Variants in TSBP1 observed in about 807,000 individuals in gnomAD.
The protein encoded by TSBP1 is testis expressed basic protein 1.
A neutral mutation model predicts 68.8 loss-of-function variants in TSBP1; 56 were observed. The ratio of observed to expected loss-of-function variants is 0.81; its 90% CI spans 0.66 to 1.02. TSBP1 has a LOEUF of 1.02. Among genes scored for constraint, TSBP1 ranks in the 50% least tolerant of loss-of-function variants. The pLI is 0.00. For missense variants in TSBP1, 502 were observed against 641.2 expected, an observed-to-expected ratio of 0.78 and a Z score of 2.34; for synonymous variants, 171 against 208.7, an observed-to-expected ratio of 0.82 and a Z score of 1.56.
Position 32,310,761 on chromosome 6 carries a change from A to ATATATATTTTTTT in TSBP1, c.580+5010_580+5011insAAAAAAATATATA. Among the ~76,000 whole-genome samples, 9 of 144,832 alleles carry ATATATATTTTTTT rather than the reference A, an allele frequency of 6.2e-5. No homozygotes were observed. The East Asian group carries it at 8.0e-4, about 13-fold the overall frequency. ...TATATATACATATATATATATATAT[A>ATATATATTTTTTT]TTTTTAATCTTTTTAGAAAGGATAG... On this transcript the variant is annotated intron_variant, in intron 19 of 22. Transcript: ENST00000612031.
chr6:32,323,413 A>G (rs496360), intron 17 of TSBP1, 178 bp downstream of exon 18: 55,318 of 726,922 alleles, frequency 0.076, 3,201 homozygotes, highest in African/African-American at 0.19. Flanking sequence ...AAATTATGTA[A>G]ATATAACTTC....
chr6:32,327,054 C>T (rs1768301204), intron 16 of TSBP1, among the ~76,000 whole-genome samples: 1 of 152,182 alleles, frequency 6.6e-6, no homozygotes, highest in Admixed American at 6.5e-5. Context: ...GTTGACAAGT[C>T]ACTATAAACT....
chr6:32,300,585 G>A, intron 21 of TSBP1, 95 bp downstream of exon 24: 1 of 1,008,260 alleles, frequency 9.9e-7, no homozygotes, highest in Non-Finnish European at 1.6e-6. Flanking sequence ...ACTGCTGTAA[G>A]GTAGAGGAAC....
chr6:32,319,327 C>A (rs2127584835), intron 18 of TSBP1, among the ~76,000 whole-genome samples: 1 of 115,350 alleles, frequency 8.7e-6, no homozygotes, highest in Non-Finnish European at 2.0e-5. Flanking sequence ...TCTCTCCTTG[C>A]CACACTCACC....
chr6:32,342,853 G>A (rs1770535103), intron 9 of TSBP1, among the ~76,000 whole-genome samples: 1 of 152,178 alleles, frequency 6.6e-6, no homozygotes, highest in Non-Finnish European at 1.5e-5. Flanking sequence ...GTCAAGGGAG[G>A]ATCTGTTTAA....
At chr6:32,328,056 G>T (rs1211411946) in intron 16 of TSBP1, among the ~76,000 whole-genome samples, 1 of 151,608 alleles carries the variant, frequency 6.6e-6, no homozygotes, top group Non-Finnish European at 1.5e-5. Context: ...TGCCCACCTT[G>T]GCCTCCCAAA....
intron 16 of TSBP1, among the ~76,000 whole-genome samples, chr6:32,329,090 A>G (rs1265819776): frequency 1.3e-5 from 2 of 152,196 alleles, no homozygotes; most frequent in Admixed American, 6.5e-5. Flanking sequence ...TGTTAAAGTC[A>G]TTTAAATTTT....
chr6:32,364,346 G>A (rs1773408321), intron 6 of TSBP1, among the ~76,000 whole-genome samples: 1 of 150,600 alleles, frequency 6.6e-6, no homozygotes, highest in African/African-American at 2.4e-5. Flanking sequence ...CTCCAATAAT[G>A]CAAAAAGTTA....
intron 22 of TSBP1, among the ~76,000 whole-genome samples, chr6:32,295,724 A>C (rs1316173677): frequency 6.6e-6 from 1 of 152,194 alleles, no homozygotes. Flanking sequence ...AATATTGGCC[A>C]TTACTACTTC....
At chr6:32,347,713 G>C (rs1451418803) in intron 9 of TSBP1, among the ~76,000 whole-genome samples, 1 of 130,084 alleles carries the variant, frequency 7.7e-6, no homozygotes, top group East Asian at 2.3e-4. Flanking sequence ...TATTCTAAAA[G>C]ACTTTTTGTA....
rs1319960553 is a variant in TSBP1, at chr6:32,343,582, A to C, written c.350-3944T>G. Among the ~76,000 whole-genome samples, 1 of 152,094 alleles carries C rather than the reference A, an allele frequency of 6.6e-6. No homozygotes were observed. The highest frequency in any genetic ancestry group is 1.5e-5 in the Non-Finnish European group (1 of 68,024). Reference sequence around the variant, plus strand: ...TCAGTTTGGAGAGTCTTCTTTCCCTAATGTGATAGCCTCAAGAACCAAAGA... The same window carrying C: ...TCAGTTTGGAGAGTCTTCTTTCCCTCATGTGATAGCCTCAAGAACCAAAGA... On this transcript the variant is annotated intron_variant, in intron 9 of 22. Coordinates refer to ENST00000612031, the Ensembl canonical transcript of TSBP1. The surrounding 1 kb of genome is among the most constrained non-coding windows in gnomAD (Gnocchi z 4.3).
intron 1 of TSBP1, among the ~76,000 whole-genome samples, chr6:32,370,284 G>A (rs904306417): frequency 6.6e-6 from 1 of 151,652 alleles, no homozygotes; most frequent in African/African-American, 2.4e-5. Flanking sequence ...TACTCCCCAG[G>A]CAGGAAGAAT....
Position 32,325,031 on chromosome 6 carries a change from A to AT in TSBP1, c.515-1418dup, listed in dbSNP as rs1007172188. ...AATGGATCTATATCATTTTTCTGTC[A>AT]TTTTTTTTCCTTCTGCATGGAAAGT... On this transcript the variant is annotated intron_variant, in intron 16 of 22. Transcript: ENST00000612031. The surrounding 1 kb of genome is among the most constrained non-coding windows in gnomAD (Gnocchi z 4.4). 4.0e-5 allele frequency among the ~76,000 whole-genome samples: 6 copies of AT among 151,546 alleles called. No homozygotes were observed. Among genetic ancestry groups the AT allele is most frequent in the East Asian group, 1.9e-4 (1 of 5,190 alleles).
chr6:32,305,593 C>T (rs1018287872), intron 19 of TSBP1, among the ~76,000 whole-genome samples: 1 of 152,182 alleles, frequency 6.6e-6, no homozygotes, highest in Non-Finnish European at 1.5e-5. Flanking sequence ...TGAAGAAAAG[C>T]AGCCCGATTC....
chr6:32,334,083 CT>C, intron 14 of TSBP1: 1 of 169,206 alleles, frequency 5.9e-6, no homozygotes, highest in South Asian at 1.2e-4. Context: ...TAGGTGATCA[CT>C]TCAAAATTTT....
In TSBP1 at chr6:32,300,278, C is replaced by T. The variant is rs117223329; in HGVS notation, c.623-342G>A. Among the ~76,000 whole-genome samples, 582 of 152,166 alleles carry T rather than the reference C, an allele frequency of 3.8e-3. 16 individuals carry two copies. In the East Asian group the frequency reaches 0.069, roughly 18 times the overall value. ...CAGTTTTTTGCTCACTGTTCTGGTC[C>T]GTTTGAAAAATGTATATTGTTGATC... On this transcript the variant is annotated intron_variant, in intron 21 of 22. Transcript: ENST00000612031.
At chr6:32,308,454 C>T (rs971602730) in intron 19 of TSBP1, among the ~76,000 whole-genome samples, 3 of 150,328 alleles carry the variant, frequency 2.0e-5, no homozygotes, top group African/African-American at 7.3e-5. Context: ...AAAAATTAGC[C>T]GGGCGTAGTG....
chr6:32,323,253 T>C (rs935100576), intron 17 of TSBP1, 116 bp from the exon 19 acceptor site: 4 of 707,548 alleles, frequency 5.7e-6, no homozygotes, highest in Non-Finnish European at 1.0e-5. Context: ...TAAATTATGA[T>C]TCTATGACTA....
At chr6:32,318,427 C>T (rs993264443) in intron 18 of TSBP1, among the ~76,000 whole-genome samples, 1 of 152,130 alleles carries the variant, frequency 6.6e-6, no homozygotes, top group Non-Finnish European at 1.5e-5. Context: ...ACAAACTGCA[C>T]ATGTATCCCT....
Sources: allele counts gnomAD v4.1 joint callset (sites outside exome capture counted in the v4.1 genomes callset), GRCh38; gene constraint gnomAD v4.1.1; non-coding constraint Gnocchi (gnomAD v3.1); transcripts MANE v1.5; gene names NCBI Gene and HGNC (gene_info 2026-07-23, HGNC 2026-07-21).